The following PAN3 variants were observed in gnomAD, a reference collection of about 807,000 sequenced individuals.
The protein encoded by PAN3 is PAN2-PAN3 deadenylation complex subunit PAN3.
A neutral mutation model predicts 96.2 loss-of-function variants in PAN3; 19 were observed. The ratio of observed to expected loss-of-function variants is 0.20; its 90% CI spans 0.14 to 0.29. The LOEUF (loss-of-function observed/expected upper bound fraction) is 0.29, where lower values mean the gene tolerates loss of function less well. Among genes scored for constraint, PAN3 ranks in the 10% least tolerant of loss-of-function variants. PAN3 has a pLI of 1.00. For synonymous variants in PAN3, 433 were observed against 406.6 expected, an observed-to-expected ratio of 1.06 and a Z score of -0.78; for missense variants, 882 against 1,108.1, an observed-to-expected ratio of 0.80 and a Z score of 2.90.
chr13:28,199,381 A>T (rs1878435710), intron 5 of PAN3, among the ~76,000 whole-genome samples: 1 of 152,040 alleles, frequency 6.6e-6, no homozygotes, highest in Non-Finnish European at 1.5e-5. Flanking sequence ...TGTTTTATTT[A>T]TAATTAAAAT....
intron 1 of PAN3, among the ~76,000 whole-genome samples, chr13:28,155,616 G>A (rs948453790): frequency 4.6e-5 from 7 of 151,940 alleles, no homozygotes; most frequent in Admixed American, 1.3e-4. Flanking sequence ...AAAAAACAAA[G>A]ATGTATCGGA....
At chr13:28,240,139 A>G (rs1386455034) in intron 6 of PAN3, 1 of 152,200 alleles carries the variant, frequency 6.6e-6, no homozygotes, top group Non-Finnish European at 1.5e-5. Context: ...CTTATGGCTA[A>G]CATGCTTTTT....
chr13:28,160,014 T>C (rs1872705982), intron 1 of PAN3, among the ~76,000 whole-genome samples: 1 of 152,114 alleles, frequency 6.6e-6, no homozygotes. Context: ...CTTGGCTCAC[T>C]GCAACCTCTG....
At chr13:28,287,796 T>C (rs1469665599) in intron 17 of PAN3, among the ~76,000 whole-genome samples, 188 bp from the exon 18 acceptor site, 1 of 152,244 alleles carries the variant, frequency 6.6e-6, no homozygotes, top group African/African-American at 2.4e-5. Flanking sequence ...TGACATTTGC[T>C]AACTGAAAAC....
chr13:28,244,220 A>C (rs1883961342), intron 6 of PAN3, among the ~76,000 whole-genome samples: 1 of 152,070 alleles, frequency 6.6e-6, no homozygotes, highest in Non-Finnish European at 1.5e-5. Flanking sequence ...GTTCTGTAGC[A>C]ATTTTTGTCT....
At chr13:28,233,773 G>T (rs1378816722) in intron 6 of PAN3, among the ~76,000 whole-genome samples, 1 of 152,100 alleles carries the variant, frequency 6.6e-6, no homozygotes, top group Non-Finnish European at 1.5e-5. Flanking sequence ...CAAATATCAG[G>T]TTTATAGTCT....
intron 12 of PAN3, among the ~76,000 whole-genome samples, chr13:28,268,782 A>G (rs115060243): frequency 0.01 from 1,559 of 152,294 alleles, 25 homozygotes; most frequent in African/African-American, 0.035. Context: ...ATTATAGACA[A>G]AAATATATTA....
chr13:28,255,555 T>TGTGGTTGTTCCACTGGAACATA (rs961215373), intron 6 of PAN3, among the ~76,000 whole-genome samples: 19 of 152,120 alleles, frequency 1.2e-4, no homozygotes, highest in African/African-American at 3.6e-4. Flanking sequence ...TCTTACTGGT[T>TGTGGTTGTTCCACTGGAACATA]GTGGTTGTTC....
chr13:28,283,813 G>T (rs990433436), intron 17 of PAN3, among the ~76,000 whole-genome samples: 1 of 152,188 alleles, frequency 6.6e-6, no homozygotes, highest in Admixed American at 6.5e-5. Context: ...ATAAGTATAT[G>T]ATCCAGGACT....
At chr13:28,269,767 C>G (rs939868966) in intron 12 of PAN3, among the ~76,000 whole-genome samples, 1 of 152,040 alleles carries the variant, frequency 6.6e-6, no homozygotes, top group Non-Finnish European at 1.5e-5. Context: ...ATCTTCTGTT[C>G]TGTCCAAATT....
intron 5 of PAN3, among the ~76,000 whole-genome samples, chr13:28,212,156 C>T (rs138996958): frequency 1.3e-5 from 2 of 152,342 alleles, no homozygotes; most frequent in African/African-American, 4.8e-5. Flanking sequence ...CAACAATTCT[C>T]AGATCTATAC....
chr13:28,217,273 T>G (rs541703595), intron 5 of PAN3, among the ~76,000 whole-genome samples: 2 of 151,902 alleles, frequency 1.3e-5, no homozygotes, highest in Non-Finnish European at 2.9e-5. Context: ...AGCACTTGGT[T>G]GTTTTGGACA....
rs1237997373 is a variant in PAN3 at position 28,270,886 on chromosome 13, T to C, written c.1958+20T>C. On this transcript the variant is annotated intron_variant, in intron 13 of 18. Coordinates refer to ENST00000380958, the MANE Select transcript of PAN3 (RefSeq NM_175854.8). The stretch of plus-strand genomic sequence containing the variant: ...AACAAGGTACTAGCATTTTGAGTTT[T>C]GGTTTCTTTTATTGAGCGTCTTACC... 13 of 1,609,198 alleles carry C rather than the reference T, an allele frequency of 8.1e-6. No individual in the cohort carries two copies. The highest frequency in any genetic ancestry group is 1.1e-5 in the Non-Finnish European group (13 of 1,176,524).
At chr13:28,286,614 T>C (rs1869003717) in intron 17 of PAN3, among the ~76,000 whole-genome samples, 1 of 152,238 alleles carries the variant, frequency 6.6e-6, no homozygotes, top group Admixed American at 6.5e-5. Flanking sequence ...TACTAAGTCA[T>C]CCCACTTACC....
At chr13:28,272,586 T>G (rs75083149) in intron 14 of PAN3, among the ~76,000 whole-genome samples, 1 of 151,752 alleles carries the variant, frequency 6.6e-6, no homozygotes, top group Non-Finnish European at 1.5e-5. Context: ...TTTTTTTTTT[T>G]GAGGCAGAGT....
At chr13:28,279,338 G>T (rs146860462) in intron 15 of PAN3, among the ~76,000 whole-genome samples, 2 of 152,244 alleles carry the variant, frequency 1.3e-5, no homozygotes, top group African/African-American at 4.8e-5. Flanking sequence ...TCTTAAAAAG[G>T]CTCATTCAGT....
intron 1 of PAN3, among the ~76,000 whole-genome samples, chr13:28,165,353 T>C (rs1873404493): frequency 6.7e-6 from 1 of 148,230 alleles, no homozygotes; most frequent in Non-Finnish European, 1.5e-5. Flanking sequence ...ATTCCTGGGC[T>C]CAAGTGATAA....
At chr13:28,150,861 T>G (rs1371257630) in intron 1 of PAN3, among the ~76,000 whole-genome samples, 2 of 152,202 alleles carry the variant, frequency 1.3e-5, no homozygotes, top group African/African-American at 2.4e-5. Flanking sequence ...TCCCTTCTTT[T>G]GTGGACCTTA....
intron 6 of PAN3, among the ~76,000 whole-genome samples, chr13:28,254,806 TTGTGTTATAGTAAGTAGGAG>T: frequency 6.6e-6 from 1 of 152,210 alleles, no homozygotes; most frequent in Middle Eastern, 3.4e-3. Context: ...GCAGTAGACA[TTGTGTTATAGTAAGTAGGAG>T]TACTAGATTG....
Sources: gnomAD v4.1 joint callset for allele counts (sites outside exome capture counted in the v4.1 genomes callset) on GRCh38, gnomAD v4.1.1 for gene constraint, MANE v1.5 for transcripts, NCBI Gene and HGNC (gene_info 2026-07-23, HGNC 2026-07-21) for gene names.